The following CDK8 variants were observed in gnomAD, a reference collection of about 807,000 sequenced individuals.
CDK8 encodes cyclin dependent kinase 8.
Under a neutral mutation model 71.5 loss-of-function variants are expected in CDK8, and 29 were observed. The observed-to-expected ratio is 0.41, with a 90% CI of 0.30 to 0.55. The LOEUF is 0.55. Ranked by LOEUF, CDK8 falls within the 20% of genes least tolerant of loss-of-function variation. The probability of loss-of-function intolerance (pLI) is 0.37; values close to 1 mark genes in which losing one functional copy is unlikely to be tolerated. For missense variants in CDK8, 288 were observed against 572.6 expected (o/e 0.50, Z 5.07); for synonymous variants, 161 against 192.1 (o/e 0.84, Z 1.34).
At chr13:26,319,950 G>T (rs1453512775) in intron 1 of CDK8, among the ~76,000 whole-genome samples, 1 of 152,126 alleles carries the variant, frequency 6.6e-6, no homozygotes, top group Non-Finnish European at 1.5e-5. Flanking sequence ...TTACAAGGAT[G>T]CTAAGGCCAT....
chr13:26,396,405 C>A, intron 8 of CDK8, 51 bp downstream of exon 8: 1 of 826,618 alleles, frequency 1.2e-6, no homozygotes, highest in Non-Finnish European at 1.9e-6. Flanking sequence ...TACCAGAATA[C>A]TCAGTGTAAG....
chr13:26,297,347 A>G (rs1593247113), intron 1 of CDK8, among the ~76,000 whole-genome samples: 1 of 152,334 alleles, frequency 6.6e-6, no homozygotes, highest in Non-Finnish European at 1.5e-5. Flanking sequence ...ATAGCAAAAG[A>G]GGAAAGAAGA....
At position 26,355,547 on chromosome 13, in the gene CDK8, G is replaced by A. The variant is rs373824451; in HGVS notation, c.456+1667G>A. Among the ~76,000 whole-genome samples the A allele has an allele frequency of 9.2e-5, 14 of 152,194 alleles. No individual in the cohort carries two copies. In the East Asian group the frequency reaches 1.2e-3, roughly 13 times the overall value. On this transcript the variant is annotated intron_variant, in intron 4 of 12. Coordinates refer to ENST00000381527, the MANE Select transcript of CDK8 (RefSeq NM_001260.3). ...GAGAATTACTTGAACGCAGGAAGCT[G>A]AGGTTGCAGTGAGCCAAGATCGCGC...
intron 5 of CDK8, among the ~76,000 whole-genome samples, chr13:26,383,798 G>T (rs1295345173): frequency 6.6e-6 from 1 of 152,106 alleles, no homozygotes; most frequent in Non-Finnish European, 1.5e-5. Context: ...CTCTGTTTTT[G>T]ATAAAACTTT....
At chr13:26,263,773 G>A (rs2137858024) in intron 1 of CDK8, among the ~76,000 whole-genome samples, 1 of 136,462 alleles carries the variant, frequency 7.3e-6, no homozygotes, top group Non-Finnish European at 1.5e-5. Context: ...TCGAGACGGA[G>A]TCTCGCTATG....
intron 4 of CDK8, among the ~76,000 whole-genome samples, chr13:26,360,474 C>T (rs1298826266): frequency 6.6e-6 from 1 of 152,010 alleles, no homozygotes. Flanking sequence ...CTTCATAGCT[C>T]GAAATTAAAC....
At chr13:26,349,816 T>C (rs898282315) in intron 3 of CDK8, among the ~76,000 whole-genome samples, 4 of 152,182 alleles carry the variant, frequency 2.6e-5, no homozygotes, top group Admixed American at 2.0e-4. Flanking sequence ...GAATTTAATA[T>C]CCTAATTCTT....
In CDK8 at chr13:26,285,154, G is replaced by T. The variant is rs571552074; in HGVS notation, c.128+30385G>T. 1.4e-4 allele frequency among the ~76,000 whole-genome samples: 21 copies of T among 152,218 alleles called. No homozygotes were observed. In the South Asian group the frequency reaches 4.1e-3, roughly 30 times the overall value. On this transcript the variant is annotated intron_variant, in intron 1 of 12. Transcript: ENST00000381527. ...CTCAGGAGGCTGAGGCAGGAGAATC[G>T]CTTGAACCCGAGAGGTCGAGTGAGC...
chr13:26,272,801 TAC>T (rs1872392491), intron 1 of CDK8, among the ~76,000 whole-genome samples: 1 of 152,212 alleles, frequency 6.6e-6, no homozygotes, highest in Non-Finnish European at 1.5e-5. Flanking sequence ...TTACAATGGC[TAC>T]AGTGTCACTA....
chr13:26,304,810 T>A (rs793123), intron 1 of CDK8, among the ~76,000 whole-genome samples: 143,462 of 151,598 alleles, frequency 0.95, 67,919 homozygotes, highest in East Asian at 1. Flanking sequence ...CTAATTTAAA[T>A]TTTTTTTTAA....
In CDK8 at chr13:26,404,034, A is replaced by G; in HGVS notation, c.1348A>G (p.Thr450Ala). ...QPQSSMGYSA[T>A]SQQPPQYSHQ... is the part of the protein sequence containing the mutation. The stretch of plus-strand genomic sequence containing the variant: ...GCAGAGCAGCATGGGATACTCAGCT[A>G]CCTCCCAGCAGCCTCCACAGTACTC... The change falls in exon 13 of 13, where the codon ACC (threonine) becomes GCC (alanine). Residue 450 changes from threonine (T) to alanine (A), a missense_variant. Coordinates refer to ENST00000381527, the MANE Select transcript of CDK8 (RefSeq NM_001260.3). 6.2e-7 allele frequency: 1 copy of G among 1,614,006 alleles called. No homozygotes were observed. The highest frequency in any genetic ancestry group is 8.5e-7 in the Non-Finnish European group (1 of 1,179,996).
At chr13:26,340,293 CTTACTG>C (rs1873187447) in intron 2 of CDK8, among the ~76,000 whole-genome samples, 2 of 152,024 alleles carry the variant, frequency 1.3e-5, no homozygotes, top group Non-Finnish European at 2.9e-5. Flanking sequence ...TTCTAGATAA[CTTACTG>C]TTACTGATTA....
chr13:26,377,887 T>A (rs1593299265), intron 4 of CDK8, among the ~76,000 whole-genome samples: 1 of 152,224 alleles, frequency 6.6e-6, no homozygotes, highest in African/African-American at 2.4e-5. Context: ...AAAATAATCA[T>A]AGAGTAACTA....
intron 1 of CDK8, among the ~76,000 whole-genome samples, chr13:26,263,769 C>T (rs1183298998): frequency 1.6e-5 from 2 of 127,284 alleles, no homozygotes; most frequent in African/African-American, 6.1e-5. Flanking sequence ...TTTTTCGAGA[C>T]GGAGTCTCGC....
chr13:26,276,113 G>A (rs1224556273), intron 1 of CDK8, among the ~76,000 whole-genome samples: 3 of 152,020 alleles, frequency 2.0e-5, no homozygotes, highest in Non-Finnish European at 4.4e-5. Flanking sequence ...TGCCTGCCTC[G>A]GCCTCCCAAA....
chr13:26,297,517 A>G (rs1423019834), intron 1 of CDK8, among the ~76,000 whole-genome samples: 2 of 152,142 alleles, frequency 1.3e-5, no homozygotes, highest in Non-Finnish European at 2.9e-5. Context: ...AGATTTCTAA[A>G]TGGGATAGTC....
chr13:26,365,267 C>T (rs1316775441), intron 4 of CDK8, among the ~76,000 whole-genome samples: 1 of 152,082 alleles, frequency 6.6e-6, no homozygotes, highest in Non-Finnish European at 1.5e-5. Flanking sequence ...TGTGCTTATT[C>T]TAAAGTATTC....
At chr13:26,352,216 TTTTG>T (rs1173567427) in intron 3 of CDK8, among the ~76,000 whole-genome samples, 3 of 152,022 alleles carry the variant, frequency 2.0e-5, no homozygotes, top group Non-Finnish European at 2.9e-5. Context: ...TTCTTGTTTT[TTTTG>T]TTTGTTTGTT....
chr13:26,305,846 T>C (rs793125), intron 1 of CDK8, among the ~76,000 whole-genome samples: 142,643 of 152,230 alleles, frequency 0.94, 66,873 homozygotes, highest in East Asian at 0.99. Context: ...TTCTCAGTCT[T>C]TATCACATTG....
Sources: gnomAD v4.1 joint callset for allele counts (sites outside exome capture counted in the v4.1 genomes callset) on GRCh38, gnomAD v4.1.1 for gene constraint, MANE v1.5 for transcripts, NCBI Gene and HGNC (gene_info 2026-07-23, HGNC 2026-07-21) for gene names.